RALGAPA1: variants seen among roughly 807,000 people sequenced by gnomAD.
The protein encoded by RALGAPA1 is Ral GTPase activating protein catalytic subunit alpha 1, also known as ral GTPase-activating protein subunit alpha-1.
Under a neutral mutation model 269.6 loss-of-function variants are expected in RALGAPA1, and 52 were observed. The observed-to-expected ratio is 0.19, with a 90% CI of 0.15 to 0.24. The LOEUF is 0.24. RALGAPA1 is among the 10% of genes least tolerant of loss of function. RALGAPA1 has a pLI of 1.00. For synonymous variants in RALGAPA1, 817 were observed against 1,008.3 expected (o/e 0.81, Z 3.60); for missense variants, 1,917 against 3,013.9 (o/e 0.64, Z 8.52).
intron 21 of RALGAPA1, 27 bp from the exon 22 acceptor site, chr14:35,678,129 C>T: frequency 6.3e-7 from 1 of 1,587,800 alleles, no homozygotes; most frequent in Non-Finnish European, 8.5e-7. Context: ...ATAAAATTAC[C>T]ATAAAGAGTA....
At chr14:35,716,222 C>T (rs1002737540) in intron 16 of RALGAPA1, 1 of 263,266 alleles carries the variant, frequency 3.8e-6, no homozygotes. Context: ...GGTGAAACCC[C>T]TTCTCACTAA....
chr14:35,630,867 G>A (rs565914052), intron 33 of RALGAPA1, among the ~76,000 whole-genome samples: 1 of 151,886 alleles, frequency 6.6e-6, no homozygotes, highest in Non-Finnish European at 1.5e-5. Flanking sequence ...GTGAGGCTCT[G>A]TCTTAAAAAA....
intron 16 of RALGAPA1, among the ~76,000 whole-genome samples, chr14:35,709,127 A>C (rs377508626): frequency 6.6e-6 from 1 of 152,172 alleles, no homozygotes; most frequent in African/African-American, 2.4e-5. Flanking sequence ...GGTACAAAAA[A>C]AAATTAGAAT....
intron 1 of RALGAPA1, among the ~76,000 whole-genome samples, chr14:35,790,631 T>C (rs2076095048): frequency 6.9e-6 from 1 of 144,284 alleles, no homozygotes; most frequent in Non-Finnish European, 1.5e-5. Context: ...GAGACTGCAG[T>C]GAGCCTAGAT....
chr14:35,618,243 T>C (rs1243100590), intron 35 of RALGAPA1, among the ~76,000 whole-genome samples: 1 of 152,148 alleles, frequency 6.6e-6, no homozygotes, highest in East Asian at 1.9e-4. Context: ...AATGAAATTC[T>C]GGTAAATCTA....
At position 35,775,615 on chromosome 14, in the gene RALGAPA1, G is replaced by A; in HGVS notation, c.217+20C>T. 6.4e-7 allele frequency: 1 copy of A among 1,554,390 alleles called. No homozygotes were observed. Among genetic ancestry groups the A allele is most frequent in the Non-Finnish European group, 8.6e-7 (1 of 1,161,246 alleles). ...TATTAGAAATATTAACATACGCCAAGATATATGTTAGCATCTTACCTTTCT... is the reference window on the plus strand; with the variant it reads ...TATTAGAAATATTAACATACGCCAAAATATATGTTAGCATCTTACCTTTCT... On this transcript the variant is annotated intron_variant, in intron 2 of 41. Transcript: ENST00000680220.
chr14:35,686,562 G>A lies in RALGAPA1; in HGVS notation c.4057C>T (p.Leu1353Phe), dbSNP rs1421369314. The A allele has an allele frequency of 6.2e-7, 1 of 1,604,948 alleles. No homozygotes were observed. The highest frequency in any genetic ancestry group is 8.5e-7 in the Non-Finnish European group (1 of 1,177,370). The part of the protein sequence containing the change: ...DLMDEFIAER[L>F]RSGNASTMTR... The stretch of plus-strand genomic sequence containing the variant: ...CTTACCGAGGCATTACCACTTCGAA[G>A]TCGTTCTGCTATAAACTCATCCATC... Residue 1353 changes from leucine to phenylalanine, a missense_variant, in exon 19 of 42, where the codon CTT becomes TTT. Leu to Phe is a conservative substitution (Grantham distance 22, BLOSUM62 0). Transcript: ENST00000680220.
chr14:35,549,343 A>T (rs112148953), intron 39 of RALGAPA1, 109 bp from the exon 40 acceptor site: 2 of 1,101,930 alleles, frequency 1.8e-6, no homozygotes, highest in African/African-American at 3.2e-5. Flanking sequence ...AATAAATAGA[A>T]TTATTCACTA....
chr14:35,629,061 C>T (rs11850698), intron 33 of RALGAPA1, among the ~76,000 whole-genome samples: 3,311 of 152,050 alleles, frequency 0.022, 129 homozygotes, highest in African/African-American at 0.076. Flanking sequence ...AGGAGACAGA[C>T]AATAATTTGT....
intron 15 of RALGAPA1, among the ~76,000 whole-genome samples, chr14:35,722,384 GGC>G (rs1172973444): frequency 6.6e-6 from 1 of 152,136 alleles, no homozygotes; most frequent in Non-Finnish European, 1.5e-5. Flanking sequence ...GGTGGAGGTG[GGC>G]AGATTGTTTG....
At chr14:35,645,661 C>T (rs1056777340) in intron 31 of RALGAPA1, among the ~76,000 whole-genome samples, 3 of 147,224 alleles carry the variant, frequency 2.0e-5, no homozygotes, top group East Asian at 4.1e-4. Flanking sequence ...ACCCGGGAGG[C>T]GGAGCTTGCA....
chr14:35,667,183 C>T (rs753025231), intron 26 of RALGAPA1, among the ~76,000 whole-genome samples: 4 of 152,042 alleles, frequency 2.6e-5, no homozygotes, highest in Non-Finnish European at 5.9e-5. Context: ...GGGCGGATCA[C>T]GAGATCAACA....
chr14:35,690,795 C>T (rs573995803), intron 17 of RALGAPA1, among the ~76,000 whole-genome samples: 1 of 152,124 alleles, frequency 6.6e-6, no homozygotes, highest in South Asian at 2.1e-4. Flanking sequence ...ATAGGCTGGG[C>T]GCGGTGGCTC....
At chr14:35,542,835 T>G (rs1190952635) in intron 41 of RALGAPA1, among the ~76,000 whole-genome samples, 1 of 152,228 alleles carries the variant, frequency 6.6e-6, no homozygotes, top group Non-Finnish European at 1.5e-5. Flanking sequence ...ATAAATTGAT[T>G]CATATATTGC....
intron 1 of RALGAPA1, among the ~76,000 whole-genome samples, chr14:35,804,794 T>C (rs10130092): frequency 0.35 from 52,548 of 150,874 alleles, 12,599 homozygotes; most frequent in African/African-American, 0.67. Context: ...TAATTGGCCA[T>C]ACACGGTGGT....
At chr14:35,749,899 G>A (rs1166648674) in intron 9 of RALGAPA1, among the ~76,000 whole-genome samples, 2 of 151,958 alleles carry the variant, frequency 1.3e-5, no homozygotes, top group African/African-American at 4.8e-5. Flanking sequence ...AATAAAAGTA[G>A]TAAAAATACT....
chr14:35,644,502 A>G (rs905672834), intron 31 of RALGAPA1, among the ~76,000 whole-genome samples: 1 of 152,260 alleles, frequency 6.6e-6, no homozygotes, highest in Non-Finnish European at 1.5e-5. Context: ...GGGACTACGA[A>G]GTAACCCAAA....
chr14:35,735,295 T>C (rs1310895836), intron 12 of RALGAPA1, among the ~76,000 whole-genome samples: 5 of 152,146 alleles, frequency 3.3e-5, no homozygotes, highest in African/African-American at 1.2e-4. Flanking sequence ...CAACTGCAAA[T>C]TGTGGTACCA....
chr14:35,625,569 G>A, intron 34 of RALGAPA1, 137 bp from the exon 35 acceptor site: 1 of 521,914 alleles, frequency 1.9e-6, no homozygotes, highest in Non-Finnish European at 3.3e-6. Flanking sequence ...AAGGAGAACA[G>A]ACCCTAAAAA....
Sources: gnomAD v4.1 joint callset for allele counts (sites outside exome capture counted in the v4.1 genomes callset) on GRCh38, gnomAD v4.1.1 for gene constraint, MANE v1.5 for transcripts, NCBI Gene and HGNC (gene_info 2026-07-23, HGNC 2026-07-21) for gene names.